Variants in FRAS1 observed in about 807,000 individuals in gnomAD.
FRAS1 encodes extracellular matrix organizing protein FRAS1.
Under a neutral mutation model 435.2 loss-of-function variants are expected in FRAS1, and 290 were observed. The observed-to-expected ratio is 0.67, with a 90% CI of 0.61 to 0.73. The LOEUF is 0.73. FRAS1 is among the 30% of genes least tolerant of loss of function. The pLI, the probability that FRAS1 is intolerant of heterozygous loss-of-function variation, is 0.00. For missense variants in FRAS1, 4,860 were observed against 5,001.5 expected (o/e 0.97, Z 0.85); for synonymous variants, 1,800 against 1,851.0 (o/e 0.97, Z 0.71).
rs772547768 is a variant in FRAS1, at chr4:78,540,962, G to A, written c.11877G>A (p.Pro3959=). Residue 3959 remains proline, a synonymous_variant, in exon 74 of 74, where the codon CCG becomes CCA. Transcript: ENST00000512123. ...NTKVEVPKRH[P]DRVEKNVNRH... ...AGGTAGAAGTGCCCAAGAGGCACCCGGACCGGGTGGAGAAGAACGTGAATA... is the reference window on the plus strand; with the variant it reads ...AGGTAGAAGTGCCCAAGAGGCACCCAGACCGGGTGGAGAAGAACGTGAATA... The A allele has an allele frequency of 7.4e-6, 12 of 1,613,674 alleles. No individual in the cohort carries two copies. The highest frequency in any genetic ancestry group is 4.5e-5 in the East Asian group (2 of 44,890).
At chr4:78,205,841 A>T (rs1723231599) in intron 2 of FRAS1, among the ~76,000 whole-genome samples, 1 of 151,984 alleles carries the variant, frequency 6.6e-6, no homozygotes, top group South Asian at 2.1e-4. Context: ...CTCTCACTGT[A>T]ACTGAATGAC....
chr4:78,246,375 C>A (rs1019441371), intron 4 of FRAS1, among the ~76,000 whole-genome samples: 1 of 152,072 alleles, frequency 6.6e-6, no homozygotes, highest in Non-Finnish European at 1.5e-5. Context: ...GCTCATTTCC[C>A]TGTGGGGCAG....
At chr4:78,209,010 T>C (rs1434594271) in intron 2 of FRAS1, among the ~76,000 whole-genome samples, 1 of 151,824 alleles carries the variant, frequency 6.6e-6, no homozygotes, top group Non-Finnish European at 1.5e-5. Flanking sequence ...CCAGGTGTAG[T>C]GGCACATGCC....
intron 70 of FRAS1, 141 bp downstream of exon 70, chr4:78,526,798 C>T (rs1578374683): frequency 1.7e-6 from 1 of 588,028 alleles, no homozygotes; most frequent in South Asian, 2.4e-5. Context: ...AGTCACAAAA[C>T]ATTTGAGTCA....
chr4:78,230,997 G>A (rs973376409), intron 2 of FRAS1, among the ~76,000 whole-genome samples: 9 of 151,792 alleles, frequency 5.9e-5, no homozygotes, highest in Non-Finnish European at 2.9e-5. Context: ...CACTGTTGCC[G>A]GTGCTGGAGT....
chr4:78,287,767 C>T (rs1169026480), intron 14 of FRAS1, among the ~76,000 whole-genome samples: 3 of 152,282 alleles, frequency 2.0e-5, no homozygotes, highest in African/African-American at 7.2e-5. Flanking sequence ...TGGTCGTCTC[C>T]ATTCCAGGTA....
chr4:78,458,574 G>C (rs981626645), intron 47 of FRAS1, among the ~76,000 whole-genome samples: 2 of 152,108 alleles, frequency 1.3e-5, no homozygotes. Context: ...GGGAGAAAAG[G>C]CTGAAAAACT....
intron 33 of FRAS1, among the ~76,000 whole-genome samples, chr4:78,420,987 G>C (rs1173864167): frequency 6.7e-6 from 1 of 148,240 alleles, no homozygotes; most frequent in Non-Finnish European, 1.5e-5. Context: ...TAGGCCATCT[G>C]CAAGCTGAGG....
At chr4:78,070,235 G>C (rs1212571381) in intron 2 of FRAS1, among the ~76,000 whole-genome samples, 1 of 125,360 alleles carries the variant, frequency 8.0e-6, no homozygotes, top group Non-Finnish European at 1.6e-5. Context: ...GTTTATATAT[G>C]TGTATATATG....
chr4:78,430,879 T>C (rs1734193287), intron 37 of FRAS1, among the ~76,000 whole-genome samples: 2 of 152,228 alleles, frequency 1.3e-5, no homozygotes, highest in Non-Finnish European at 2.9e-5. Flanking sequence ...GTATTATCTA[T>C]GTGATATAAC....
intron 52 of FRAS1, 93 bp downstream of exon 52, chr4:78,472,423 A>G: frequency 8.7e-7 from 1 of 1,150,490 alleles, no homozygotes; most frequent in South Asian, 1.9e-5. Context: ...ACTTCCAGCT[A>G]CTTATGCCCA....
intron 34 of FRAS1, among the ~76,000 whole-genome samples, chr4:78,423,020 A>G (rs1297149392): frequency 6.6e-6 from 1 of 152,184 alleles, no homozygotes; most frequent in Non-Finnish European, 1.5e-5. Context: ...AAAGCCCAGC[A>G]TACCCTTAAT....
At chr4:78,405,800 C>T (rs1733075011) in intron 30 of FRAS1, among the ~76,000 whole-genome samples, 1 of 152,202 alleles carries the variant, frequency 6.6e-6, no homozygotes, top group Non-Finnish European at 1.5e-5. Context: ...TGGCTTCTTT[C>T]AGATTTATTG....
intron 29 of FRAS1, among the ~76,000 whole-genome samples, chr4:78,395,426 C>A (rs977796190): frequency 1.3e-5 from 2 of 151,934 alleles, no homozygotes; most frequent in Non-Finnish European, 2.9e-5. Flanking sequence ...GATTTTCTAT[C>A]TGGATGATCT....
intron 2 of FRAS1, among the ~76,000 whole-genome samples, chr4:78,210,613 C>T (rs1723463181): frequency 6.6e-6 from 1 of 152,214 alleles, no homozygotes; most frequent in African/African-American, 2.4e-5. Flanking sequence ...GGGATACTTG[C>T]ATGCCCTGAG....
At chr4:78,118,586 G>A (rs1250391882) in intron 2 of FRAS1, among the ~76,000 whole-genome samples, 5 of 152,186 alleles carry the variant, frequency 3.3e-5, no homozygotes, top group African/African-American at 1.2e-4. Context: ...CTAGCAATGA[G>A]CGAGGCTCCG....
Position 78,283,047 on chromosome 4 carries a change from C to G in FRAS1, c.1255+80C>G, listed in dbSNP as rs990565868. On this transcript the variant is annotated intron_variant, in intron 12 of 73. Coordinates refer to ENST00000512123, the MANE Select transcript of FRAS1 (RefSeq NM_025074.7). ...AGAGATCCTCTTCCCCACCCCCTTG[C>G]TTCTTTTCATTTTTATTTTTAGTTA... 1.2e-5 allele frequency: 13 copies of G among 1,105,536 alleles called. No individual in the cohort carries two copies. In the African/African-American group the frequency reaches 2.0e-4, roughly 17 times the overall value. The allele number at this position is 1,105,536 out of a possible 1,614,324, so 68.5% of individuals were successfully genotyped here.
intron 2 of FRAS1, among the ~76,000 whole-genome samples, chr4:78,152,957 C>G (rs186258746): frequency 1.3e-5 from 2 of 152,204 alleles, no homozygotes; most frequent in Admixed American, 6.5e-5. Flanking sequence ...ACAGAGCTCT[C>G]CCTTTTTTCC....
chr4:78,435,853 A>G (rs1478877236), intron 38 of FRAS1, among the ~76,000 whole-genome samples: 1 of 152,212 alleles, frequency 6.6e-6, no homozygotes, highest in East Asian at 1.9e-4. Flanking sequence ...AGGAATTTGT[A>G]TACTGCCTCA....
Sources: allele counts gnomAD v4.1 joint callset (sites outside exome capture counted in the v4.1 genomes callset), GRCh38; gene constraint gnomAD v4.1.1; transcripts MANE v1.5; gene names NCBI Gene and HGNC (gene_info 2026-07-23, HGNC 2026-07-21).